Variants in KCNQ3 observed in about 807,000 individuals in gnomAD.
The protein encoded by KCNQ3 is potassium voltage-gated channel subfamily KQT member 3.
KCNQ3 carries 30 observed loss-of-function variants against 92.5 expected under a neutral mutation model. The ratio of observed to expected loss-of-function variants is 0.32; its 90% CI spans 0.24 to 0.44. The LOEUF is 0.44. Ranked by LOEUF, KCNQ3 falls within the 20% of genes least tolerant of loss-of-function variation. KCNQ3 has a pLI of 1.00. For missense variants in KCNQ3, 913 were observed against 1,140.3 expected (o/e 0.80, Z 2.87); for synonymous variants, 450 against 468.8 (o/e 0.96, Z 0.52).
At chr8:132,293,885 G>A (rs1372224855) in intron 1 of KCNQ3, among the ~76,000 whole-genome samples, 1 of 152,084 alleles carries the variant, frequency 6.6e-6, no homozygotes, top group Non-Finnish European at 1.5e-5. Context: ...TCCTGAAAAG[G>A]ACTAGAACTC....
At chr8:132,269,973 T>C (rs922791251) in intron 1 of KCNQ3, among the ~76,000 whole-genome samples, 3 of 152,224 alleles carry the variant, frequency 2.0e-5, no homozygotes, top group Non-Finnish European at 4.4e-5. Flanking sequence ...TCTATATTAC[T>C]AGAAAATTTA....
chr8:132,164,520 A>G (rs1211867411), intron 8 of KCNQ3, among the ~76,000 whole-genome samples: 1 of 152,136 alleles, frequency 6.6e-6, no homozygotes, highest in Non-Finnish European at 1.5e-5. Context: ...TTTGAGGGTC[A>G]GCTCAGCATT....
At chr8:132,297,242 G>T (rs1237738298) in intron 1 of KCNQ3, among the ~76,000 whole-genome samples, 2 of 151,860 alleles carry the variant, frequency 1.3e-5, no homozygotes, top group Non-Finnish European at 2.9e-5. Flanking sequence ...GGGGTTGTTT[G>T]TTTTTTTCTT....
intron 1 of KCNQ3, among the ~76,000 whole-genome samples, chr8:132,476,246 A>G (rs1822409291): frequency 6.6e-6 from 1 of 152,218 alleles, no homozygotes; most frequent in African/African-American, 2.4e-5. Flanking sequence ...GGGCAGTGCA[A>G]GAGGAAATGT....
chr8:132,206,725 A>G (rs181127650), intron 1 of KCNQ3, among the ~76,000 whole-genome samples: 24 of 152,088 alleles, frequency 1.6e-4, no homozygotes, highest in African/African-American at 5.3e-4. Context: ...ATTTATCTGC[A>G]TCTTCTCTCT....
intron 11 of KCNQ3, 71 bp downstream of exon 11, chr8:132,140,005 G>T: frequency 9.5e-7 from 1 of 1,057,980 alleles, no homozygotes. Context: ...AATTTTATAA[G>T]CCCCTTCCTG....
At chr8:132,317,190 G>A (rs1278650645) in intron 1 of KCNQ3, among the ~76,000 whole-genome samples, 1 of 152,082 alleles carries the variant, frequency 6.6e-6, no homozygotes, top group African/African-American at 2.4e-5. Flanking sequence ...TTTAATAAAG[G>A]TTTATGGAAT....
chr8:132,413,857 C>G (rs759571466), intron 1 of KCNQ3, among the ~76,000 whole-genome samples: 6 of 152,202 alleles, frequency 3.9e-5, no homozygotes, highest in Non-Finnish European at 1.5e-5. Context: ...TGCAGGAGCA[C>G]GTGACTGGGG....
At chr8:132,471,178 C>CT (rs1822291463) in intron 1 of KCNQ3, among the ~76,000 whole-genome samples, 1 of 152,170 alleles carries the variant, frequency 6.6e-6, no homozygotes. Context: ...ATGCAGCTAG[C>CT]TATCAAGTTC....
chr8:132,138,094 A>G (rs1825165808), intron 11 of KCNQ3, 78 bp from the exon 12 acceptor site: 1 of 1,521,190 alleles, frequency 6.6e-7, no homozygotes, highest in African/African-American at 1.4e-5. Flanking sequence ...AGCAAACTCC[A>G]GGGCAGGGGG....
At chr8:132,389,116 C>A (rs1819981324) in intron 1 of KCNQ3, among the ~76,000 whole-genome samples, 1 of 152,240 alleles carries the variant, frequency 6.6e-6, no homozygotes, top group East Asian at 1.9e-4. Context: ...TTCATGAATT[C>A]TTTCATAAAG....
chr8:132,368,285 G>A (rs1035926125), intron 1 of KCNQ3, among the ~76,000 whole-genome samples: 1 of 152,236 alleles, frequency 6.6e-6, no homozygotes, highest in East Asian at 1.9e-4. Context: ...CATGAATTGA[G>A]GACCTCCTCT....
At chr8:132,161,107 C>T (rs535656957) in intron 9 of KCNQ3, among the ~76,000 whole-genome samples, 1 of 152,250 alleles carries the variant, frequency 6.6e-6, no homozygotes, top group East Asian at 1.9e-4. Flanking sequence ...TAAATCAAAA[C>T]ATTCAAGACA....
At chr8:132,315,449 T>C (rs1167055474) in intron 1 of KCNQ3, among the ~76,000 whole-genome samples, 1 of 152,112 alleles carries the variant, frequency 6.6e-6, no homozygotes, top group African/African-American at 2.4e-5. Context: ...ATATGTTTTA[T>C]GGGTCACGTA....
chr8:132,302,533 T>G (rs1379750423), intron 1 of KCNQ3, among the ~76,000 whole-genome samples: 1 of 152,182 alleles, frequency 6.6e-6, no homozygotes, highest in East Asian at 1.9e-4. Context: ...TGGACTTATT[T>G]CCAAGGGCAA....
chr8:132,420,564 A>G (rs530968168), intron 1 of KCNQ3, among the ~76,000 whole-genome samples: 1 of 152,316 alleles, frequency 6.6e-6, no homozygotes, highest in South Asian at 2.1e-4. Flanking sequence ...TTCAAAAGAT[A>G]GAGATGAACC....
intron 1 of KCNQ3, among the ~76,000 whole-genome samples, chr8:132,301,696 G>A (rs1184402605): frequency 6.6e-6 from 1 of 152,124 alleles, no homozygotes; most frequent in Admixed American, 6.5e-5. Flanking sequence ...TCTGCCCTGA[G>A]AATTGGATGG....
chr8:132,372,261 C>T (rs2130739601), intron 1 of KCNQ3, among the ~76,000 whole-genome samples: 1 of 152,318 alleles, frequency 6.6e-6, no homozygotes, highest in Admixed American at 6.5e-5. Flanking sequence ...CTCCATAGGG[C>T]TTTTCTTTCC....
Position 132,141,164 on chromosome 8 carries a change from C to T in KCNQ3, c.1430G>A (p.Arg477His), listed in dbSNP as rs141821338. 11 of 1,614,104 alleles carry T rather than the reference C, an allele frequency of 6.8e-6. No homozygotes were observed. The highest frequency in any genetic ancestry group is 8.5e-6 in the Non-Finnish European group (10 of 1,180,012). ...NNKERFRTAF[R>H]MKAYAFWQSS... ...CTGCCAGAAAGCGTAGGCTTTCATG[C>T]GGAAGGCCGTGCGGAAACGCTCTTT... Residue 477 changes from arginine to histidine, a missense_variant, in exon 10 of 15, where the codon CGC becomes CAC. Physicochemically the swap from Arg to His is conservative, Grantham distance 29. Transcript: ENST00000388996.
Sources: allele counts gnomAD v4.1 joint callset (sites outside exome capture counted in the v4.1 genomes callset), GRCh38; gene constraint gnomAD v4.1.1; transcripts MANE v1.5; gene names NCBI Gene and HGNC (gene_info 2026-07-23, HGNC 2026-07-21).